QTGAL: variants seen among roughly 807,000 people sequenced by gnomAD.
The protein encoded by QTGAL is queuosine-tRNA galactosyltransferase.
At chr17:82,981,888 G>A in the QTGAL span, 2 of 152,264 alleles carry the variant, frequency 1.3e-5, no homozygotes, top group Non-Finnish European at 2.9e-5. Flanking sequence ...AATGAAGTAA[G>A]CTGGAGAAAA....
At chr17:82,983,749 C>CA in the QTGAL span, among the ~76,000 whole-genome samples, 1,715 of 152,252 alleles carry the variant, frequency 0.011, 37 homozygotes, top group African/African-American at 0.039. Flanking sequence ...GCAGGGGCCC[C>CA]GGGGCGGAGG....
At chr17:83,050,709 C>CCGGA in the QTGAL span, among the ~76,000 whole-genome samples, 106 of 152,360 alleles carry the variant, frequency 7.0e-4, no homozygotes, top group African/African-American at 2.5e-3. Context: ...CCAGCCTCTG[C>CCGGA]CGGAGCACGG....
chr17:83,036,389 G>C, the QTGAL span, among the ~76,000 whole-genome samples: 3 of 152,334 alleles, frequency 2.0e-5, no homozygotes, highest in Middle Eastern at 3.4e-3. Flanking sequence ...GCCTGAGGGG[G>C]CTTCTGGGGG....
the QTGAL span, chr17:82,957,505 G>A: frequency 6.3e-7 from 1 of 1,594,776 alleles, no homozygotes; most frequent in African/African-American, 1.3e-5. Context: ...CTGCGGTGGA[G>A]AAGAGGGTGA....
chr17:82,956,724 G>C, the QTGAL span: 2 of 1,589,546 alleles, frequency 1.3e-6, no homozygotes, highest in Non-Finnish European at 1.7e-6. The surrounding 1 kb of genome is among the most constrained non-coding windows in gnomAD (Gnocchi z 5.7). Context: ...AAGGGTGGCC[G>C]GGCGGCTCGG....
At chr17:83,007,650 CGGG>C in the QTGAL span, among the ~76,000 whole-genome samples, 2 of 152,096 alleles carry the variant, frequency 1.3e-5, no homozygotes, top group African/African-American at 4.8e-5. Context: ...GCCTCTCGGA[CGGG>C]GGCTGATTGA....
chr17:82,980,495 G>A, the QTGAL span, among the ~76,000 whole-genome samples: 16 of 152,304 alleles, frequency 1.1e-4, no homozygotes, highest in African/African-American at 3.8e-4. Context: ...GCCAACTGAA[G>A]TCCCAGGCTG....
the QTGAL span, among the ~76,000 whole-genome samples, chr17:82,997,579 G>A: frequency 6.6e-6 from 1 of 152,154 alleles, no homozygotes; most frequent in Non-Finnish European, 1.5e-5. Flanking sequence ...AGAGTTGCCT[G>A]CACTCACGTA....
At chr17:83,046,074 T>G in the QTGAL span, among the ~76,000 whole-genome samples, 2 of 152,176 alleles carry the variant, frequency 1.3e-5, no homozygotes, top group East Asian at 3.8e-4. Context: ...TCCACCCGCC[T>G]TGGCCTCCCA....
At chr17:82,942,565 T>G in the QTGAL span, 4 of 1,538,786 alleles carry the variant, frequency 2.6e-6, no homozygotes, top group Non-Finnish European at 3.6e-6. Flanking sequence ...CTCCAGCTGT[T>G]GAAGGGTAGC....
the QTGAL span, among the ~76,000 whole-genome samples, chr17:82,950,353 G>C: frequency 6.6e-6 from 1 of 152,202 alleles, no homozygotes; most frequent in Admixed American, 6.5e-5. Context: ...ATAACAGTTT[G>C]ACATATTGCG....
chr17:82,991,461 G>A, the QTGAL span, among the ~76,000 whole-genome samples: 2 of 152,254 alleles, frequency 1.3e-5, no homozygotes, highest in South Asian at 2.1e-4. Flanking sequence ...CGCCATCCAC[G>A]TAAGCTTGGT....
the QTGAL span, chr17:83,048,646 C>T: frequency 6.2e-7 from 1 of 1,608,592 alleles, no homozygotes; most frequent in East Asian, 2.2e-5. Flanking sequence ...GGCTGAGTCA[C>T]CCGACAGGAA....
the QTGAL span, among the ~76,000 whole-genome samples, chr17:82,985,117 G>A: frequency 6.6e-6 from 1 of 152,198 alleles, no homozygotes; most frequent in East Asian, 1.9e-4. Flanking sequence ...TTTCAGGCAG[G>A]CACCACCCCA....
the QTGAL span, among the ~76,000 whole-genome samples, chr17:82,999,679 T>C: frequency 6.6e-6 from 1 of 152,242 alleles, no homozygotes; most frequent in African/African-American, 2.4e-5. Flanking sequence ...TATGGTACTG[T>C]ACTGTATTTA....
At chr17:82,962,109 A>G in the QTGAL span, among the ~76,000 whole-genome samples, 1 of 152,328 alleles carries the variant, frequency 6.6e-6, no homozygotes, top group Middle Eastern at 3.4e-3. Context: ...CAGCAGGGCC[A>G]GTCTATCACC....
At chr17:83,005,055 T>C in the QTGAL span, 1 of 1,377,504 alleles carries the variant, frequency 7.3e-7, no homozygotes, top group Non-Finnish European at 1.0e-6. The surrounding 1 kb of genome is among the most constrained non-coding windows in gnomAD (Gnocchi z 5.6). Flanking sequence ...GCATAATGCA[T>C]GAGATGGCGC....
chr17:82,977,357 C>T, the QTGAL span, among the ~76,000 whole-genome samples: 3 of 152,160 alleles, frequency 2.0e-5, no homozygotes, highest in African/African-American at 7.2e-5. Context: ...CCCCCACCCA[C>T]CGGAGTATTC....
chr17:82,956,728 G>A, the QTGAL span: 19 of 1,590,582 alleles, frequency 1.2e-5, no homozygotes, highest in South Asian at 4.6e-5. The surrounding 1 kb of genome is among the most constrained non-coding windows in gnomAD (Gnocchi z 5.7). Context: ...GTGGCCGGGC[G>A]GCTCGGAAGT....
Sources: gnomAD v4.1 joint callset for allele counts (sites outside exome capture counted in the v4.1 genomes callset) on GRCh38, gnomAD v4.1.1 for gene constraint, Gnocchi (gnomAD v3.1) non-coding constraint, MANE v1.5 for transcripts, NCBI Gene and HGNC (gene_info 2026-07-23, HGNC 2026-07-21) for gene names.